ZNF358: variants seen among roughly 807,000 people sequenced by gnomAD.
The protein encoded by ZNF358 is zinc finger protein 358.
In ZNF358, 1 loss-of-function variant was observed where a neutral mutation model predicts 2.1. The ratio of observed to expected loss-of-function variants is 0.49; its 90% confidence interval spans 0.17 to 2.30. The LOEUF is 2.30. ZNF358 is among the 30% of genes most tolerant of loss of function. The probability of loss-of-function intolerance (pLI) is 0.26; values close to 1 mark genes in which losing one functional copy is unlikely to be tolerated. For synonymous variants in ZNF358, 381 were observed against 359.7 expected (o/e 1.06, Z -0.67); for missense variants, 665 against 806.8 (o/e 0.82, Z 2.13).
At position 7,519,553 on chromosome 19, in the gene ZNF358, T is replaced by C. The variant is rs759186313; in HGVS notation, c.311T>C (p.Leu104Pro). 11 of 1,603,918 alleles carry C rather than the reference T, an allele frequency of 6.9e-6. No individual in the cohort carries two copies. The highest frequency in any genetic ancestry group is 9.3e-6 in the Non-Finnish European group (11 of 1,179,904). The change falls in exon 2 of 2, where the codon CTG becomes CCG. Residue 104 changes from leucine (L) to proline (P), a missense_variant. By Grantham distance (98) the Leu-to-Pro change is moderately conservative (BLOSUM62 -3). Around this residue, in one of 3 missense-constraint regions of ZNF358, gnomAD observed 206 missense variants for 228.4 expected, o/e 0.90. Coordinates refer to ENST00000597229, the MANE Select transcript of ZNF358 (RefSeq NM_018083.5). ...LDPDVIGPVPLILDPNSDTLS... is the reference protein window; with the variant it reads ...LDPDVIGPVPPILDPNSDTLS... Reference sequence around the variant, plus strand: ...CCAGATGTGATTGGCCCCGTACCCCTGATTCTCGATCCTAACAGCGACACC... The same window carrying C: ...CCAGATGTGATTGGCCCCGTACCCCCGATTCTCGATCCTAACAGCGACACC...
rs1177260519 is a variant in ZNF358, at chr19:7,520,481, A to T, written c.1239A>T (p.Ala413=). 1.1e-5 allele frequency: 8 copies of T among 761,880 alleles called. No homozygotes were observed. Among genetic ancestry groups the T allele is most frequent in the Non-Finnish European group, 1.6e-5 (8 of 512,884 alleles). The allele number at this position is 761,880 out of a possible 1,614,324, so 47.2% of individuals were successfully genotyped here. A position where few individuals can be genotyped will look rare whatever the true frequency, so the allele number is the denominator to read the frequency against. ...CTGCCGCGGCCGCTGCAGCTGCAGCAGCGGCCGCCGGCCTGGGCCTCGGGC... is the reference window on the plus strand; with the variant it reads ...CTGCCGCGGCCGCTGCAGCTGCAGCTGCGGCCGCCGGCCTGGGCCTCGGGC... ...AAAAAAAAAA[A]AAAGLGLGPG... Residue 413 remains alanine (A), a synonymous_variant, in exon 2 of 2, where the codon GCA becomes GCT. Coordinates refer to ENST00000597229, the MANE Select transcript of ZNF358 (RefSeq NM_018083.5). This position sits in a 1 kb window ranked among gnomAD's most constrained non-coding sequence, Gnocchi z 6.0.
chr19:7,520,292 G>A lies in ZNF358; in HGVS notation c.1050G>A (p.Pro350=), dbSNP rs888536212. 6.2e-7 allele frequency: 1 copy of A among 1,610,678 alleles called. No individual in the cohort carries two copies. ...CGGGCGAGCGGCCCTACGCCTGCCC[G>A]CACTGCTCCAAGGCCTTCGGCCAGA... ...IHTGERPYAC[P]HCSKAFGQSS... Residue 350 remains proline (P), a synonymous_variant, in exon 2 of 2, where the codon CCG becomes CCA. Transcript: ENST00000597229. The surrounding 1 kb of genome is among the most constrained non-coding windows in gnomAD (Gnocchi z 6.0).
intron 1 of ZNF358, among the ~76,000 whole-genome samples, chr19:7,517,487 G>A (rs759299938): frequency 6.6e-6 from 1 of 152,154 alleles, no homozygotes; most frequent in Admixed American, 6.5e-5. Context: ...TACTTTGGGA[G>A]GCTGAGGTGG....
chr19:7,519,013 C>T (rs866022668), intron 1 of ZNF358, among the ~76,000 whole-genome samples, 192 bp from the exon 2 acceptor site: 1 of 142,240 alleles, frequency 7.0e-6, no homozygotes, highest in Non-Finnish European at 1.5e-5. Flanking sequence ...TGCAGTGAGC[C>T]GAGATGGTAC....
intron 1 of ZNF358, among the ~76,000 whole-genome samples, chr19:7,517,976 A>G (rs1440576343): frequency 1.3e-5 from 2 of 152,206 alleles, no homozygotes; most frequent in East Asian, 1.9e-4. Flanking sequence ...GTATGGGACA[A>G]GAATTCAGGC....
chr19:7,520,458 G>T lies in ZNF358; in HGVS notation c.1216G>T (p.Ala406Ser), dbSNP rs752229597. 16 of 1,397,658 alleles carry T rather than the reference G, an allele frequency of 1.1e-5. No individual in the cohort carries two copies. The highest frequency in any genetic ancestry group is 6.7e-5 in the South Asian group (5 of 74,854). The allele number at this position is 1,397,658 out of a possible 1,614,324, so 86.6% of individuals were successfully genotyped here. Residue 406 changes from alanine to serine, a missense_variant, in exon 2 of 2, where the codon GCC becomes TCC. Physicochemically the swap from Ala to Ser is moderately conservative, Grantham distance 99. Coordinates refer to ENST00000597229, the MANE Select transcript of ZNF358 (RefSeq NM_018083.5). This position sits in a 1 kb window ranked among gnomAD's most constrained non-coding sequence, Gnocchi z 6.0. ...VHEGAAAAAA[A>S]AAAAAAAAAA... ...TGAGGGTGCAGCCGCTGCTGCAGCT[G>T]CCGCGGCCGCTGCAGCTGCAGCAGC...
chr19:7,518,559 G>GAAAGAAAGAAAT (rs1041597690), intron 1 of ZNF358, among the ~76,000 whole-genome samples: 1 of 129,690 alleles, frequency 7.7e-6, no homozygotes. Context: ...GAGAGAGAGA[G>GAAAGAAAGAAAT]AAAGAAAGAA....
At chr19:7,517,168 C>T (rs1363440911) in intron 1 of ZNF358, among the ~76,000 whole-genome samples, 3 of 152,114 alleles carry the variant, frequency 2.0e-5, no homozygotes, top group African/African-American at 7.2e-5. Flanking sequence ...GGCAGGTCAT[C>T]CTGGGCTCCC....
chr19:7,518,555 G>GAGAGAAAGAA (rs914508702), intron 1 of ZNF358, among the ~76,000 whole-genome samples: 2 of 136,826 alleles, frequency 1.5e-5, no homozygotes, highest in Non-Finnish European at 3.1e-5. Flanking sequence ...AAGAGAGAGA[G>GAGAGAAAGAA]AGAGAAAGAA....
At chr19:7,517,748 T>G (rs1213286222) in intron 1 of ZNF358, among the ~76,000 whole-genome samples, 1 of 152,098 alleles carries the variant, frequency 6.6e-6, no homozygotes, top group Non-Finnish European at 1.5e-5. Flanking sequence ...TGACACTGAC[T>G]CCCACCTGGA....
In ZNF358 at chr19:7,519,998, G is replaced by A; in HGVS notation, c.756G>A (p.Gln252=). The A allele has an allele frequency of 1.3e-6, 2 of 1,520,780 alleles. No homozygotes were observed. The highest frequency in any genetic ancestry group is 1.2e-5 in the South Asian group (1 of 82,290). The allele number at this position is 1,520,780 out of a possible 1,614,324, so 94.2% of individuals were successfully genotyped here. The change falls in exon 2 of 2, where the codon CAG becomes CAA. Residue 252 remains glutamine, a synonymous_variant. Transcript: ENST00000597229. ...TCGGGCACGGCTCGCTCCTGGCACA[G>A]CACCTGCGCACGCACGGCGGCCCGC... ...KAFGHGSLLA[Q]HLRTHGGPRP...
chr19:7,518,545 A>AG (rs1555740109), intron 1 of ZNF358, among the ~76,000 whole-genome samples: 1 of 109,412 alleles, frequency 9.1e-6, no homozygotes, highest in Non-Finnish European at 1.9e-5. Flanking sequence ...GAAAGAAAGA[A>AG]AGAGAGAGAG....
At position 7,520,430 on chromosome 19, in the gene ZNF358, G is replaced by A; in HGVS notation, c.1188G>A (p.Val396=). ...QASSLTKHKR[V]HEGAAAAAAA... ...CCAGCCTCACCAAGCACAAACGGGT[G>A]CATGAGGGTGCAGCCGCTGCTGCAG... The change falls in exon 2 of 2, where the codon GTG becomes GTA. Residue 396 remains valine (V), a synonymous_variant. Coordinates refer to ENST00000597229, the MANE Select transcript of ZNF358 (RefSeq NM_018083.5). This position sits in a 1 kb window ranked among gnomAD's most constrained non-coding sequence, Gnocchi z 6.0. The A allele has an allele frequency of 6.2e-7, 1 of 1,603,348 alleles. No homozygotes were observed. Among genetic ancestry groups the A allele is most frequent in the Non-Finnish European group, 8.5e-7 (1 of 1,176,322 alleles).
intron 1 of ZNF358, 150 bp from the exon 2 acceptor site, chr19:7,519,055 A>T: frequency 2.0e-6 from 2 of 1,009,508 alleles, no homozygotes; most frequent in Non-Finnish European, 2.6e-6. Context: ...ACAGAACGAG[A>T]CCCCATCTCA....
chr19:7,519,666 C>T lies in ZNF358; in HGVS notation c.424C>T (p.Pro142Ser). 6.3e-7 allele frequency: 1 copy of T among 1,575,260 alleles called. No individual in the cohort carries two copies. The highest frequency in any genetic ancestry group is 2.2e-5 in the East Asian group (1 of 44,634). Residue 142 changes from proline (P) to serine (S), a missense_variant, in exon 2 of 2, where the codon CCC becomes TCC. Physicochemically the swap from Pro to Ser is moderately conservative, Grantham distance 74. This residue lies in a region of ZNF358 where 206 missense variants were observed against 228.4 expected (regional missense o/e 0.90). Coordinates refer to ENST00000597229, the MANE Select transcript of ZNF358 (RefSeq NM_018083.5). The stretch of plus-strand genomic sequence containing the variant: ...CTTGGCCACCAGCCCCGCGGTGCTC[C>T]CCGCCCCCGCCAGCCCGCCCCGGCC... ...QVLATSPAVL[P>S]APASPPRPFS... is the part of the protein sequence containing the mutation.
rs1401257979 is a variant in ZNF358 at position 7,516,522 on chromosome 19, G to A, written c.-39+273G>A. On this transcript the variant is annotated intron_variant, in intron 1 of 1. Transcript: ENST00000597229. This position sits in a 1 kb window ranked among gnomAD's most constrained non-coding sequence, Gnocchi z 5.9. ...GAGCCTTCAATCGGGCGGGGTGGGGGGCGCCCGCCAGCTCTGGGGTCTGGA... is the reference window on the plus strand; with the variant it reads ...GAGCCTTCAATCGGGCGGGGTGGGGAGCGCCCGCCAGCTCTGGGGTCTGGA... 2.6e-5 allele frequency among the ~76,000 whole-genome samples: 4 copies of A among 152,088 alleles called. No homozygotes were observed. The Middle Eastern group carries it at 0.01, about 388-fold the overall frequency.
chr19:7,520,964 T>A lies in ZNF358; in HGVS notation c.*15T>A. 1 of 1,608,942 alleles carries A rather than the reference T, an allele frequency of 6.2e-7. No homozygotes were observed. The highest frequency in any genetic ancestry group is 8.5e-7 in the Non-Finnish European group (1 of 1,176,720). ...CTGATGGCTGAAGGAGACGCCGGCA[T>A]CCTCGGGGGCCTGGGGAAGTTGTGT... On this transcript the variant is annotated 3_prime_UTR_variant, in exon 2 of 2. Coordinates refer to ENST00000597229, the MANE Select transcript of ZNF358 (RefSeq NM_018083.5). This position sits in a 1 kb window ranked among gnomAD's most constrained non-coding sequence, Gnocchi z 6.0.
chr19:7,519,573 G>A lies in ZNF358; in HGVS notation c.331G>A (p.Asp111Asn). ...PVPLILDPNS[D>N]TLSPGDPKVD... ...ACCCCTGATTCTCGATCCTAACAGC[G>A]ACACCCTCAGCCCCGGCGATCCAAA... is the stretch of plus-strand genomic sequence containing the variant. The change falls in exon 2 of 2, where the codon GAC becomes AAC. Residue 111 changes from aspartate (D) to asparagine (N), a missense_variant. Asp to Asn is a conservative substitution (Grantham distance 23). Transcript: ENST00000597229. 1.2e-6 allele frequency: 2 copies of A among 1,601,072 alleles called. No individual in the cohort carries two copies. The highest frequency in any genetic ancestry group is 1.7e-6 in the Non-Finnish European group (2 of 1,179,902).
intron 1 of ZNF358, among the ~76,000 whole-genome samples, chr19:7,518,996 C>T (rs902197524): frequency 1.3e-4 from 18 of 133,432 alleles, no homozygotes; most frequent in African/African-American, 2.9e-4. Flanking sequence ...ACCTGGGAGG[C>T]GGAGGTTGCA....
Sources: allele counts gnomAD v4.1 joint callset (sites outside exome capture counted in the v4.1 genomes callset), GRCh38; gene constraint gnomAD v4.1.1; regional missense constraint gnomAD v4.1.1; non-coding constraint Gnocchi (gnomAD v3.1); transcripts MANE v1.5; gene names NCBI Gene and HGNC (gene_info 2026-07-23, HGNC 2026-07-21).